Variants in CNTRL observed in about 807,000 individuals in gnomAD.
The protein encoded by CNTRL is centriolin, also known as 110 kDa centrosomal protein.
CNTRL carries 233 observed loss-of-function variants against 303.7 expected under a neutral mutation model. That is an observed-to-expected ratio of 0.77 (90% CI 0.69 to 0.86). CNTRL has a LOEUF of 0.86. CNTRL is among the 40% of genes least tolerant of loss of function. CNTRL has a pLI of 0.00. For synonymous variants in CNTRL, 900 were observed against 922.2 expected (o/e 0.98, Z 0.44); for missense variants, 2,524 against 2,650.6 (o/e 0.95, Z 1.05).
rs779315939 is a variant in CNTRL at position 121,162,155 on chromosome 9, A to G, written c.5307A>G (p.Glu1769=). 1.1e-5 allele frequency: 17 copies of G among 1,614,152 alleles called. No individual in the cohort carries two copies. Among genetic ancestry groups the G allele is most frequent in the Non-Finnish European group, 1.4e-5 (16 of 1,180,018 alleles). Residue 1769 remains glutamate (E), a synonymous_variant, in exon 34 of 44, where the codon GAA becomes GAG. Transcript: ENST00000373855. ...TTGAGAGGGATAAACGAGAAATAGA[A>G]CGAATGACTGCTGAGTCCCGAGCTT... The part of the protein sequence containing the change: ...QLLERDKREI[E]RMTAESRALQ...
At chr9:121,134,198 A>G (rs1009992336) in intron 14 of CNTRL, among the ~76,000 whole-genome samples, 1 of 151,964 alleles carries the variant, frequency 6.6e-6, no homozygotes, top group African/African-American at 2.4e-5. Flanking sequence ...TTCAACACAC[A>G]TTTTTTTAAG....
At chr9:121,140,911 C>A in intron 17 of CNTRL, 125 bp downstream of exon 17, 1 of 885,472 alleles carries the variant, frequency 1.1e-6, no homozygotes, top group Non-Finnish European at 1.6e-6. Context: ...TTGTAAGGTT[C>A]TCCTTATGAA....
intron 12 of CNTRL, among the ~76,000 whole-genome samples, chr9:121,119,086 G>GTGTA (rs932719011): frequency 6.6e-6 from 1 of 150,748 alleles, no homozygotes; most frequent in Non-Finnish European, 1.5e-5. Flanking sequence ...ATATATGTGT[G>GTGTA]TGTGTGTGTG....
intron 25 of CNTRL, among the ~76,000 whole-genome samples, chr9:121,150,816 C>A (rs1164518892): frequency 1.3e-5 from 2 of 152,146 alleles, no homozygotes; most frequent in Non-Finnish European, 2.9e-5. Context: ...GTCTACAAAC[C>A]TGGGTTAGCC....
rs2050259543 is a variant in CNTRL, at chr9:121,122,042, AGCTCCAC to A, written c.1651-1888_1651-1882del. ...CTGTTTTTACAATAACTCTTTTGTG[AGCTCCAC>A]CGTGGTGTAAATCGCAGAATCTACT... is the stretch of plus-strand genomic sequence containing the variant. On this transcript the variant is annotated intron_variant, in intron 12 of 43. Coordinates refer to ENST00000373855, the MANE Select transcript of CNTRL (RefSeq NM_007018.6). 1.1e-5 allele frequency: 5 copies of A among 470,862 alleles called. No individual in the cohort carries two copies. The South Asian group carries it at 4.6e-4, about 43-fold the overall frequency. The allele number at this position is 470,862 out of a possible 1,614,324, so 29.2% of individuals were successfully genotyped here.
At chr9:121,171,134 G>T (rs921231194) in intron 39 of CNTRL, among the ~76,000 whole-genome samples, 1 of 152,308 alleles carries the variant, frequency 6.6e-6, no homozygotes, top group East Asian at 1.9e-4. Context: ...CTGTGATGAT[G>T]GGTATTATTA....
chr9:121,104,612 T>C (rs2049364980), intron 7 of CNTRL, among the ~76,000 whole-genome samples: 1 of 151,142 alleles, frequency 6.6e-6, no homozygotes, highest in African/African-American at 2.4e-5. Context: ...CAATAAAAAG[T>C]GTGTAGACAT....
At position 121,148,688 on chromosome 9, in the gene CNTRL, C is replaced by G; in HGVS notation, c.3476C>G (p.Ser1159Cys). Residue 1159 changes from serine (S) to cysteine (C), a missense_variant, in exon 24 of 44, where the codon TCC (serine) becomes TGC (cysteine). Physicochemically the swap from Ser to Cys is moderately radical, Grantham distance 112. Coordinates refer to ENST00000373855, the MANE Select transcript of CNTRL (RefSeq NM_007018.6). ...PPSSKVSSHSSQATKDSGVGL... is the reference protein window; with the variant it reads ...PPSSKVSSHSCQATKDSGVGL... ...TTGTTTTAGGTTTCCAGCCATAGTT[C>G]CCAGGCCACCAAGGACTCTGGTGTT... The G allele has an allele frequency of 6.2e-7, 1 of 1,613,190 alleles. No homozygotes were observed. The highest frequency in any genetic ancestry group is 2.2e-5 in the East Asian group (1 of 44,844).
chr9:121,168,953 T>C (rs1297829049), intron 38 of CNTRL, among the ~76,000 whole-genome samples: 1 of 152,186 alleles, frequency 6.6e-6, no homozygotes, highest in Non-Finnish European at 1.5e-5. Context: ...CATTTCATTA[T>C]GAAAATGAAA....
At chr9:121,155,033 A>T in intron 27 of CNTRL, 120 bp downstream of exon 27, 2 of 878,216 alleles carry the variant, frequency 2.3e-6, no homozygotes, top group Non-Finnish European at 3.8e-6. Context: ...TCAGACAGCC[A>T]GGTTCCAGGC....
In CNTRL at chr9:121,142,214, G is replaced by A. The variant is rs796686972; in HGVS notation, c.2815G>A (p.Glu939Lys). The change falls in exon 19 of 44, where the codon GAA becomes AAA. Residue 939 changes from glutamate to lysine, a missense_variant. Coordinates refer to ENST00000373855, the MANE Select transcript of CNTRL (RefSeq NM_007018.6). ...AGGCCTTACAGATCTCCAACTTCAG[G>A]AAGCTGATGAAGAGAAGGAGAGAAT... is the stretch of plus-strand genomic sequence containing the variant. ...IQGLTDLQLQ[E>K]ADEEKERILA... 6.8e-6 allele frequency: 11 copies of A among 1,611,892 alleles called. No homozygotes were observed. The highest frequency in any genetic ancestry group is 5.0e-5 in the Admixed American group (3 of 59,470).
At chr9:121,167,744 T>C (rs549373009) in intron 37 of CNTRL, 67 bp downstream of exon 37, 1 of 1,410,306 alleles carries the variant, frequency 7.1e-7, no homozygotes, top group Admixed American at 1.9e-5. Context: ...ATTTTTCCCC[T>C]GGCAGAAAGC....
chr9:121,134,366 C>T (rs2051059556), intron 14 of CNTRL, among the ~76,000 whole-genome samples: 1 of 151,150 alleles, frequency 6.6e-6, no homozygotes, highest in African/African-American at 2.4e-5. Flanking sequence ...TCTTCGCTCA[C>T]TGCAACCTCC....
At chr9:121,091,306 C>A (rs552762294) in intron 4 of CNTRL, among the ~76,000 whole-genome samples, 1 of 152,190 alleles carries the variant, frequency 6.6e-6, no homozygotes, top group South Asian at 2.1e-4. Flanking sequence ...GTATTATTCA[C>A]AAAAAGTATT....
intron 7 of CNTRL, among the ~76,000 whole-genome samples, chr9:121,100,405 G>A (rs2049097454): frequency 2.0e-5 from 3 of 152,172 alleles, no homozygotes; most frequent in African/African-American, 7.2e-5. Flanking sequence ...GCTCCTGAAG[G>A]AAGCACTAAA....
chr9:121,129,039 T>C (rs1018774177), intron 14 of CNTRL, among the ~76,000 whole-genome samples: 19 of 152,248 alleles, frequency 1.2e-4, no homozygotes, highest in Non-Finnish European at 1.5e-4. Flanking sequence ...TTTTGTTTAC[T>C]GTAGCCTTGT....
intron 7 of CNTRL, among the ~76,000 whole-genome samples, chr9:121,105,058 C>A (rs1161801065): frequency 6.6e-6 from 1 of 152,074 alleles, no homozygotes; most frequent in Non-Finnish European, 1.5e-5. Context: ...ATTTTTGATA[C>A]AGAGAATGAT....
At chr9:121,127,397 A>G (rs1189846399) in intron 14 of CNTRL, among the ~76,000 whole-genome samples, 1 of 152,132 alleles carries the variant, frequency 6.6e-6, no homozygotes, top group Non-Finnish European at 1.5e-5. Context: ...ATATTGTCAA[A>G]TTACTTTTCA....
rs912442900 is a variant in CNTRL, at chr9:121,101,290, T to C, written c.808+2718T>C. On this transcript the variant is annotated intron_variant, in intron 7 of 43. Transcript: ENST00000373855. ...TACATGGAAACTGAACAACCTGCTC[T>C]TGAATGACTACTGGGTACTTAATGA... 5.3e-5 allele frequency among the ~76,000 whole-genome samples: 8 copies of C among 152,172 alleles called. No homozygotes were observed. In the East Asian group the frequency reaches 1.2e-3, roughly 22 times the overall value.
Sources: gnomAD v4.1 joint callset for allele counts (sites outside exome capture counted in the v4.1 genomes callset) on GRCh38, gnomAD v4.1.1 for gene constraint, MANE v1.5 for transcripts, NCBI Gene and HGNC (gene_info 2026-07-23, HGNC 2026-07-21) for gene names.